Variants in ZFAND3 observed in about 807,000 individuals in gnomAD.
The protein encoded by ZFAND3 is AN1-type zinc finger protein 3.
A neutral mutation model predicts 29.6 loss-of-function variants in ZFAND3; 10 were observed. That is an observed-to-expected ratio of 0.34 (90% CI 0.21 to 0.57). The LOEUF is 0.57. Among genes scored for constraint, ZFAND3 ranks in the 20% least tolerant of loss-of-function variants. The probability of loss-of-function intolerance (pLI) is 0.86; values close to 1 mark genes in which losing one functional copy is unlikely to be tolerated. For synonymous variants in ZFAND3, 128 were observed against 112.6 expected (o/e 1.14, Z -0.87); for missense variants, 230 against 304.5 (o/e 0.76, Z 1.82).
chr6:38,120,375 G>C (rs1765510644), intron 5 of ZFAND3, among the ~76,000 whole-genome samples: 1 of 129,398 alleles, frequency 7.7e-6, no homozygotes. Flanking sequence ...GCCCAGGCTG[G>C]AGTGCAGTGG....
At chr6:38,009,650 A>G (rs1237430060) in intron 2 of ZFAND3, among the ~76,000 whole-genome samples, 2 of 152,140 alleles carry the variant, frequency 1.3e-5, no homozygotes, top group Non-Finnish European at 1.5e-5. Context: ...ATTTATATTG[A>G]AGGAGGTTTC....
In ZFAND3 at chr6:38,116,907, T is replaced by A. The variant is rs538576432; in HGVS notation, c.529+168T>A. ...GGCTTGAGAAATCAGGAGCATAGTA[T>A]GTTTGCCTCTAAACACCCTTTATTC... On this transcript the variant is annotated intron_variant, in intron 5 of 5. Transcript: ENST00000287218. Among the ~76,000 whole-genome samples the A allele has an allele frequency of 6.3e-4, 96 of 152,202 alleles. 1 individual carries two copies. The highest frequency in any genetic ancestry group is 1.2e-3 in the Non-Finnish European group (81 of 68,038).
chr6:37,997,312 G>T (rs1581824793), intron 2 of ZFAND3, among the ~76,000 whole-genome samples: 1 of 152,174 alleles, frequency 6.6e-6, no homozygotes, highest in Non-Finnish European at 1.5e-5. Context: ...ATATTTTCAG[G>T]AGTATGGCTG....
intron 1 of ZFAND3, among the ~76,000 whole-genome samples, chr6:37,839,659 C>T (rs1398176358): frequency 6.6e-6 from 1 of 151,494 alleles, no homozygotes; most frequent in Non-Finnish European, 1.5e-5. Context: ...GGACTACAGG[C>T]GTGTGCCATT....
intron 1 of ZFAND3, among the ~76,000 whole-genome samples, chr6:37,912,347 A>C (rs766305931): frequency 2.0e-5 from 3 of 152,184 alleles, no homozygotes; most frequent in Non-Finnish European, 4.4e-5. Context: ...AGGTGGCTCA[A>C]TAGAAAACTT....
At chr6:38,121,101 C>A (rs1317525259) in intron 5 of ZFAND3, among the ~76,000 whole-genome samples, 2 of 152,198 alleles carry the variant, frequency 1.3e-5, no homozygotes, top group Non-Finnish European at 2.9e-5. Flanking sequence ...TGCCTGTAAT[C>A]CCAACACTTT....
At position 37,942,803 on chromosome 6, in the gene ZFAND3, T is replaced by C. The variant is rs116631526; in HGVS notation, c.112+12804T>C. Among the ~76,000 whole-genome samples the C allele has an allele frequency of 8.3e-3, 1,262 of 152,300 alleles. 10 individuals carry two copies. Among genetic ancestry groups the C allele is most frequent in the Middle Eastern group, 0.02 (6 of 294 alleles). ...GACACTTCATCAGTTACTTCTGTTA[T>C]TGTATTTGCATCTACCCTAAAAATA... On this transcript the variant is annotated intron_variant, in intron 2 of 5. Coordinates refer to ENST00000287218, the MANE Select transcript of ZFAND3 (RefSeq NM_021943.3).
intron 2 of ZFAND3, among the ~76,000 whole-genome samples, chr6:38,037,448 C>T (rs950535715): frequency 2.6e-5 from 4 of 152,164 alleles, no homozygotes; most frequent in African/African-American, 9.7e-5. Flanking sequence ...TTATAATCAC[C>T]AATCCGTCAC....
Position 38,026,022 on chromosome 6 carries a change from A to C in ZFAND3, c.113-35571A>C, listed in dbSNP as rs528376518. ...AAACTATTGAACTATTGAATTGTAC[A>C]CCTTAGGTGAGTTTTATAATATGTA... On this transcript the variant is annotated intron_variant, in intron 2 of 5. Coordinates refer to ENST00000287218, the MANE Select transcript of ZFAND3 (RefSeq NM_021943.3). Among the ~76,000 whole-genome samples the C allele has an allele frequency of 2.0e-5, 3 of 152,316 alleles. No homozygotes were observed. In the South Asian group the frequency reaches 6.2e-4, roughly 32 times the overall value.
chr6:38,014,144 T>C (rs1763211336), intron 2 of ZFAND3, among the ~76,000 whole-genome samples: 1 of 152,100 alleles, frequency 6.6e-6, no homozygotes, highest in African/African-American at 2.4e-5. Flanking sequence ...ATGTAAACGG[T>C]TGCTGAATTC....
intron 2 of ZFAND3, among the ~76,000 whole-genome samples, chr6:37,991,777 C>T (rs141788663): frequency 3.9e-5 from 6 of 152,286 alleles, no homozygotes; most frequent in Admixed American, 2.6e-4. Flanking sequence ...AGTTTTCTTA[C>T]GCTTTTACAG....
chr6:38,068,305 A>T (rs1764384731), intron 3 of ZFAND3, among the ~76,000 whole-genome samples: 1 of 152,238 alleles, frequency 6.6e-6, no homozygotes, highest in African/African-American at 2.4e-5. Context: ...AAATGTGGGA[A>T]ATACATGAAA....
intron 2 of ZFAND3, among the ~76,000 whole-genome samples, chr6:38,006,383 TA>T (rs770329029): frequency 3.3e-5 from 5 of 152,304 alleles, no homozygotes; most frequent in South Asian, 2.1e-4. Flanking sequence ...TTCTTTTTTA[TA>T]AAAAAATGTG....
At chr6:38,118,947 A>G (rs928039041) in intron 5 of ZFAND3, among the ~76,000 whole-genome samples, 1 of 152,128 alleles carries the variant, frequency 6.6e-6, no homozygotes, top group African/African-American at 2.4e-5. Context: ...ATGTTCTAAC[A>G]TGTAGTCTCT....
intron 2 of ZFAND3, among the ~76,000 whole-genome samples, chr6:38,027,886 C>T (rs1241741963): frequency 6.6e-6 from 1 of 152,220 alleles, no homozygotes; most frequent in Non-Finnish European, 1.5e-5. Flanking sequence ...AAGCTCATGA[C>T]TGCCCTGCTA....
chr6:38,049,734 C>A (rs1448072948), intron 2 of ZFAND3, among the ~76,000 whole-genome samples: 2 of 152,032 alleles, frequency 1.3e-5, no homozygotes, highest in Non-Finnish European at 2.9e-5. Flanking sequence ...TCTGAACATC[C>A]CCCTGATATG....
At chr6:37,945,274 C>T (rs1761881179) in intron 2 of ZFAND3, among the ~76,000 whole-genome samples, 1 of 152,132 alleles carries the variant, frequency 6.6e-6, no homozygotes, top group African/African-American at 2.4e-5. Context: ...TTTCTTTTCC[C>T]CTTCAACCAC....
intron 4 of ZFAND3, among the ~76,000 whole-genome samples, chr6:38,087,650 C>A (rs1764782804): frequency 6.6e-6 from 1 of 152,192 alleles, no homozygotes; most frequent in African/African-American, 2.4e-5. Flanking sequence ...TGTCATCTCA[C>A]CCCAATTAAA....
intron 4 of ZFAND3, among the ~76,000 whole-genome samples, chr6:38,102,568 C>G (rs1030475493): frequency 6.6e-6 from 1 of 152,160 alleles, no homozygotes; most frequent in Non-Finnish European, 1.5e-5. Flanking sequence ...TCGAAGACTT[C>G]TAGCTTGTCT....
Sources: gnomAD v4.1 joint callset for allele counts (sites outside exome capture counted in the v4.1 genomes callset) on GRCh38, gnomAD v4.1.1 for gene constraint, MANE v1.5 for transcripts, NCBI Gene and HGNC (gene_info 2026-07-23, HGNC 2026-07-21) for gene names.